KIF26B: variants seen among roughly 807,000 people sequenced by gnomAD.
The protein encoded by KIF26B is kinesin-like protein KIF26B.
In KIF26B, 63 loss-of-function variants were observed where a neutral mutation model predicts 151.2. The observed-to-expected ratio is 0.42, with a 90% CI of 0.34 to 0.51. The LOEUF (loss-of-function observed/expected upper bound fraction) is 0.51, where lower values mean the gene tolerates loss of function less well. Ranked by LOEUF, KIF26B falls within the 20% of genes least tolerant of loss-of-function variation. The pLI is 0.07. For synonymous variants in KIF26B, 1,357 were observed against 1,262.1 expected, an observed-to-expected ratio of 1.08 and a Z score of -1.59; for missense variants, 2,813 against 2,913.6, an observed-to-expected ratio of 0.97 and a Z score of 0.79.
chr1:245,259,838 G>A (rs905070808), intron 2 of KIF26B, among the ~76,000 whole-genome samples: 1 of 151,024 alleles, frequency 6.6e-6, no homozygotes, highest in African/African-American at 2.4e-5. Context: ...GGGAGGGTGA[G>A]GCAGCAGGAT....
chr1:245,336,668 G>GCTT (rs1295743265), intron 2 of KIF26B, among the ~76,000 whole-genome samples: 2 of 152,196 alleles, frequency 1.3e-5, no homozygotes, highest in African/African-American at 4.8e-5. Flanking sequence ...GTCATTTCCT[G>GCTT]CTTTTTCCTA....
chr1:245,497,153 C>CAAA (rs35741176), intron 4 of KIF26B, among the ~76,000 whole-genome samples: 4 of 101,116 alleles, frequency 4.0e-5, no homozygotes, highest in African/African-American at 6.8e-5. Context: ...AACTCCATCT[C>CAAA]AAAAAAAAAA....
intron 2 of KIF26B, among the ~76,000 whole-genome samples, chr1:245,280,537 A>AAAAAAAAAAAAAAAAAG (rs752454576): frequency 4.9e-5 from 6 of 123,660 alleles, no homozygotes; most frequent in African/African-American, 1.4e-4. Flanking sequence ...TCTCAAAAAA[A>AAAAAAAAAAAAAAAAAG]AAAAGAAAAG....
chr1:245,248,349 C>T (rs765945810), intron 2 of KIF26B, among the ~76,000 whole-genome samples: 4 of 152,150 alleles, frequency 2.6e-5, no homozygotes, highest in Non-Finnish European at 4.4e-5. Context: ...TCCGCCTGCC[C>T]GTGAGAAGGC....
rs140984725 is a variant in KIF26B, at chr1:245,203,235, C to T, written c.465+46552C>T. Among the ~76,000 whole-genome samples, 771 of 48,786 alleles carry T rather than the reference C, an allele frequency of 0.016. 39 individuals are homozygous for T. The East Asian group carries it at 0.25, about 16-fold the overall frequency. 32.0% of individuals were successfully genotyped at this position (48,786 alleles called of 152,430 possible). ...GCACTCCAGCCTGGGTGACAGAGCG[C>T]GACTCTGTCTCAAAAAAAAAAAAAG... On this transcript the variant is annotated intron_variant, in intron 2 of 14. Coordinates refer to ENST00000407071, the MANE Select transcript of KIF26B (RefSeq NM_018012.4).
intron 4 of KIF26B, among the ~76,000 whole-genome samples, chr1:245,517,583 A>G (rs941175678): frequency 1.3e-5 from 2 of 152,182 alleles, no homozygotes; most frequent in African/African-American, 4.8e-5. Context: ...CGCTTGATGT[A>G]TTATAGGTGC....
intron 2 of KIF26B, among the ~76,000 whole-genome samples, chr1:245,275,968 G>T (rs1474687020): frequency 6.6e-6 from 1 of 152,112 alleles, no homozygotes; most frequent in East Asian, 1.9e-4. Context: ...TTGCATGCAA[G>T]GTTTATGCTG....
chr1:245,312,603 C>A (rs1375721772), intron 2 of KIF26B, among the ~76,000 whole-genome samples: 2 of 151,900 alleles, frequency 1.3e-5, no homozygotes, highest in Admixed American at 1.3e-4. Context: ...GGACTTTAAA[C>A]TTCACATCAA....
At chr1:245,684,012 G>GA (rs958018006) in intron 10 of KIF26B, among the ~76,000 whole-genome samples, 62 of 152,360 alleles carry the variant, frequency 4.1e-4, no homozygotes, top group Admixed American at 1.4e-3. Context: ...GCCAAGGGAG[G>GA]TGCTTTGCAC....
At chr1:245,700,306 G>A (rs2044752615) in intron 14 of KIF26B, among the ~76,000 whole-genome samples, 1 of 152,152 alleles carries the variant, frequency 6.6e-6, no homozygotes, top group Non-Finnish European at 1.5e-5. Flanking sequence ...AGTTCCCGTT[G>A]GTCCTCTTGG....
chr1:245,444,536 G>A (rs1433473096), intron 4 of KIF26B, among the ~76,000 whole-genome samples: 1 of 152,238 alleles, frequency 6.6e-6, no homozygotes, highest in Admixed American at 6.5e-5. Context: ...ACCATCTGCT[G>A]TATTTCCACA....
rs141173607 is a variant in KIF26B, at chr1:245,351,660, T to C, written c.466-15174T>C. 4.9e-3 allele frequency among the ~76,000 whole-genome samples: 742 copies of C among 152,304 alleles called. 6 individuals carry two copies. The highest frequency in any genetic ancestry group is 0.017 in the African/African-American group (713 of 41,576). The stretch of plus-strand genomic sequence containing the variant: ...GAAACCAAGGCTCAAGAAGATTGAA[T>C]GATTTGGCCAAGGCTGTGACACTAG... On this transcript the variant is annotated intron_variant, in intron 2 of 14. Coordinates refer to ENST00000407071, the MANE Select transcript of KIF26B (RefSeq NM_018012.4).
At chr1:245,624,042 T>C (rs1041547941) in intron 9 of KIF26B, among the ~76,000 whole-genome samples, 1 of 151,952 alleles carries the variant, frequency 6.6e-6, no homozygotes, top group African/African-American at 2.4e-5. Context: ...ATCCGGTGGT[T>C]TAAGAGTGTG....
intron 4 of KIF26B, among the ~76,000 whole-genome samples, chr1:245,530,636 G>A (rs1661340013): frequency 6.6e-6 from 1 of 152,174 alleles, no homozygotes; most frequent in African/African-American, 2.4e-5. Context: ...ACACAATTCA[G>A]GAAAATCTTT....
chr1:245,428,281 A>G (rs1254039785), intron 4 of KIF26B, among the ~76,000 whole-genome samples: 9 of 152,228 alleles, frequency 5.9e-5, no homozygotes, highest in Admixed American at 5.9e-4. Flanking sequence ...TTTAGGAATC[A>G]TAGTTCTATG....
At position 245,156,622 on chromosome 1, in the gene KIF26B, G is replaced by T. The variant is rs1668440185; in HGVS notation, c.404G>T (p.Arg135Leu). 6.6e-7 allele frequency: 1 copy of T among 1,524,294 alleles called. No homozygotes were observed. The highest frequency in any genetic ancestry group is 8.8e-7 in the Non-Finnish European group (1 of 1,142,640). The allele number at this position is 1,524,294 out of a possible 1,614,324, so 94.4% of individuals were successfully genotyped here. Residue 135 changes from arginine (R) to leucine (L), a missense_variant, in exon 2 of 15, where the codon CGC becomes CTC. Transcript: ENST00000407071. ...RGVWCENCNARLVELKRQALR... is the reference protein window; with the variant it reads ...RGVWCENCNALLVELKRQALR... Reference sequence around the variant, plus strand: ...GTCTGGTGCGAGAACTGCAACGCCCGCCTGGTGGAGCTCAAGAGGCAGGCC... The same window carrying T: ...GTCTGGTGCGAGAACTGCAACGCCCTCCTGGTGGAGCTCAAGAGGCAGGCC...
At chr1:245,507,671 C>T (rs1395539048) in intron 4 of KIF26B, among the ~76,000 whole-genome samples, 3 of 152,140 alleles carry the variant, frequency 2.0e-5, no homozygotes, top group African/African-American at 7.2e-5. Flanking sequence ...CTCCACATGG[C>T]CCCAGGATTG....
intron 2 of KIF26B, among the ~76,000 whole-genome samples, chr1:245,202,071 C>A (rs930125334): frequency 6.6e-6 from 1 of 152,174 alleles, no homozygotes; most frequent in African/African-American, 2.4e-5. Context: ...GCGAGGCAGG[C>A]CATATGTACT....
chr1:245,639,643 G>A (rs76415504), intron 9 of KIF26B, among the ~76,000 whole-genome samples: 4,006 of 151,786 alleles, frequency 0.026, 188 homozygotes, highest in African/African-American at 0.091. Context: ...TCTGTATCCC[G>A]TGGGTTCTGG....
Sources: allele counts gnomAD v4.1 joint callset (sites outside exome capture counted in the v4.1 genomes callset), GRCh38; gene constraint gnomAD v4.1.1; transcripts MANE v1.5; gene names NCBI Gene and HGNC (gene_info 2026-07-23, HGNC 2026-07-21).